Variants in GPR179 observed in about 807,000 individuals in gnomAD.
GPR179 encodes the protein probable G protein-coupled receptor 179.
GPR179 carries 52 observed loss-of-function variants against 70.8 expected under a neutral mutation model. The observed-to-expected ratio is 0.73, with a 90% confidence interval of 0.59 to 0.93. GPR179 has a LOEUF of 0.93. Ranked by LOEUF, GPR179 falls within the 40% of genes least tolerant of loss-of-function variation. The pLI, the probability that GPR179 is intolerant of heterozygous loss-of-function variation, is 0.00. For missense variants in GPR179, 2,734 were observed against 2,966.8 expected (o/e 0.92, Z 1.82); for synonymous variants, 1,123 against 1,169.0 (o/e 0.96, Z 0.80).
intron 1 of GPR179, among the ~76,000 whole-genome samples, chr17:38,341,552 C>G (rs1416380579): frequency 6.6e-6 from 1 of 152,200 alleles, no homozygotes; most frequent in African/African-American, 2.4e-5. Context: ...GAGGAGAACC[C>G]TGCTGGGAAC....
Position 38,327,157 on chromosome 17 carries a change from C to A in GPR179, c.6412G>T (p.Gly2138Ter). Residue 2138 changes from glycine to a stop codon, truncating the protein, a stop_gained, in exon 11 of 11, where the codon GGA (glycine) becomes TGA (stop). Transcript: ENST00000616987. LOFTEE classifies it low-confidence loss of function (END_TRUNC). ...TCCTGTTCCCCTTCCTCTGCTGCTCCTCCACCCGCCTCCCAAGGGCAGATC... is the reference window on the plus strand; with the variant it reads ...TCCTGTTCCCCTTCCTCTGCTGCTCATCCACCCGCCTCCCAAGGGCAGATC... Reference protein sequence around the residue: ...AEICPWEAGGGAAEEGEQERE... With the variant: ...AEICPWEAGG 1 of 1,614,254 alleles carries A rather than the reference C, an allele frequency of 6.2e-7. No homozygotes were observed. The highest frequency in any genetic ancestry group is 8.5e-7 in the Non-Finnish European group (1 of 1,180,046).
chr17:38,327,569 C>G lies in GPR179; in HGVS notation c.6000G>C (p.Trp2000Cys), dbSNP rs1295380988. The stretch of plus-strand genomic sequence containing the variant: ...TATACACACCTGCATCAGGAACATC[C>G]CATGGGCACACGTCAGCGGCCCTGC... Reference protein sequence around the residue: ...TGGRAADVCPWDVPDAGVYKS... With the variant: ...TGGRAADVCPCDVPDAGVYKS... Residue 2000 changes from tryptophan (W) to cysteine (C), a missense_variant, in exon 11 of 11, where the codon TGG becomes TGC. By Grantham distance (215) the Trp-to-Cys change is radical (BLOSUM62 -2). Coordinates refer to ENST00000616987, the MANE Select transcript of GPR179 (RefSeq NM_001004334.4). 1 of 1,613,978 alleles carries G rather than the reference C, an allele frequency of 6.2e-7. No homozygotes were observed. The highest frequency in any genetic ancestry group is 1.3e-5 in the African/African-American group (1 of 74,892).
intron 10 of GPR179, among the ~76,000 whole-genome samples, chr17:38,332,262 C>T (rs1372023174): frequency 3.9e-5 from 6 of 152,158 alleles, no homozygotes; most frequent in African/African-American, 7.2e-5. Context: ...GGTGTGAAGA[C>T]GGCCCCAGTA....
chr17:38,330,163 T>C lies in GPR179; in HGVS notation c.3406A>G (p.Lys1136Glu), dbSNP rs759638641. Residue 1136 changes from lysine to glutamate, a missense_variant, in exon 11 of 11, where the codon AAG (lysine) becomes GAG (glutamate). Lys to Glu is a moderately conservative substitution (Grantham distance 56). Coordinates refer to ENST00000616987, the MANE Select transcript of GPR179 (RefSeq NM_001004334.4). Reference protein sequence around the residue: ...PSRSPRLGRPKAVSKQAALIP... With the variant: ...PSRSPRLGRPEAVSKQAALIP... The stretch of plus-strand genomic sequence containing the variant: ...AGAGCGGCCTGCTTACTCACCGCCT[T>C]GGGCCGGCCTAGCCTGGGCGATCGG... 9 of 1,582,966 alleles carry C rather than the reference T, an allele frequency of 5.7e-6. No homozygotes were observed. The highest frequency in any genetic ancestry group is 6.9e-6 in the Non-Finnish European group (8 of 1,163,838).
chr17:38,337,322 T>C, intron 3 of GPR179, 109 bp from the exon 4 acceptor site: 3 of 1,385,898 alleles, frequency 2.2e-6, no homozygotes, highest in Non-Finnish European at 2.9e-6. Context: ...TCCTGTGATC[T>C]GGGGCTCCAG....
rs2037276780 is a variant in GPR179 at position 38,325,428 on chromosome 17, C to T, written c.*1037G>A. On this transcript the variant is annotated 3_prime_UTR_variant, in exon 11 of 11. Transcript: ENST00000616987. ...TCCTCTGGAAGGAGATTGATGTGGC[C>T]TCTTGTTACTGAGCAAGTGATTCTT... is the stretch of plus-strand genomic sequence containing the variant. 1.6e-5 allele frequency: 2 copies of T among 125,752 alleles called. No homozygotes were observed. The highest frequency in any genetic ancestry group is 5.4e-4 in the South Asian group (2 of 3,680). The allele number at this position is 125,752 out of a possible 1,614,324, so 7.8% of individuals were successfully genotyped here.
Position 38,337,652 on chromosome 17 carries a change from G to GAGATC in GPR179, c.971_972insGATCT (p.Tyr324Ter). 1.9e-6 allele frequency: 3 copies of GAGATC among 1,601,092 alleles called. No individual in the cohort carries two copies. Among genetic ancestry groups the GAGATC allele is most frequent in the Admixed American group, 1.7e-5 (1 of 58,142 alleles). On this transcript the variant is annotated stop_gained and frameshift_variant, in exon 3 of 11. Coordinates refer to ENST00000616987, the MANE Select transcript of GPR179 (RefSeq NM_001004334.4). LOFTEE classifies it high-confidence loss of function. ...ACATACCCCCAGAGGGGCTTGCCCC[G>GAGATC]TAGAATCCAGGTCGGCAGCGGCAGA...
Position 38,327,796 on chromosome 17 carries a change from A to G in GPR179, c.5773T>C (p.Phe1925Leu), listed in dbSNP as rs776653668. The G allele has an allele frequency of 6.2e-7, 1 of 1,614,118 alleles. No individual in the cohort carries two copies. The highest frequency in any genetic ancestry group is 8.5e-7 in the Non-Finnish European group (1 of 1,180,010). Reference protein sequence around the residue: ...DLRQDPKTGSFPEHITQEKAP... With the variant: ...DLRQDPKTGSLPEHITQEKAP... Reference sequence around the variant, plus strand: ...TTTTCTTGGGTTATGTGTTCTGGGAAGGAACCTGTCTTTGGGTCTTGTCTC... The same window carrying G: ...TTTTCTTGGGTTATGTGTTCTGGGAGGGAACCTGTCTTTGGGTCTTGTCTC... The change falls in exon 11 of 11, where the codon TTC (phenylalanine) becomes CTC (leucine). Residue 1925 changes from phenylalanine (F) to leucine (L), a missense_variant. Phe to Leu is a conservative substitution (Grantham distance 22, BLOSUM62 0). Transcript: ENST00000616987.
rs768765919 is a variant in GPR179 at position 38,343,309 on chromosome 17, G to A, written c.481C>T (p.Gln161Ter). 6.8e-6 allele frequency: 11 copies of A among 1,614,138 alleles called. No individual in the cohort carries two copies. The East Asian group carries it at 1.1e-4, about 16-fold the overall frequency. ...FNPPPGASHL[Q>*]LALQATRTGE... ...GTCCGGGTGGCCTGCAGGGCCAGCTGTAGGTGGCTGGCCCCTGGTGGAGGG... is the reference window on the plus strand; with the variant it reads ...GTCCGGGTGGCCTGCAGGGCCAGCTATAGGTGGCTGGCCCCTGGTGGAGGG... The change falls in exon 1 of 11, where the codon CAG (glutamine) becomes TAG (stop). Residue 161 changes from glutamine (Q) to a stop codon, truncating the protein, a stop_gained. Coordinates refer to ENST00000616987, the MANE Select transcript of GPR179 (RefSeq NM_001004334.4). LOFTEE classifies it high-confidence loss of function. The surrounding 1 kb of genome is among the most constrained non-coding windows in gnomAD (Gnocchi z 4.2).
In GPR179 at chr17:38,328,391, T is replaced by C; in HGVS notation, c.5178A>G (p.Lys1726=). ...ERALGAEAIR[K]SPNDTGKVSA... is the part of the protein sequence containing the mutation. ...AAACCTTGCCTGTATCATTTGGAGATTTCCTAATGGCCTCAGCTCCCAAAG... is the reference window on the plus strand; with the variant it reads ...AAACCTTGCCTGTATCATTTGGAGACTTCCTAATGGCCTCAGCTCCCAAAG... The change falls in exon 11 of 11, where the codon AAA becomes AAG. Residue 1726 remains lysine (K), a synonymous_variant. Coordinates refer to ENST00000616987, the MANE Select transcript of GPR179 (RefSeq NM_001004334.4). 1.2e-6 allele frequency: 2 copies of C among 1,613,784 alleles called. No individual in the cohort carries two copies. Among genetic ancestry groups the C allele is most frequent in the Non-Finnish European group, 1.7e-6 (2 of 1,179,930 alleles).
In GPR179 at chr17:38,329,261, C is replaced by G. The variant is rs761238265; in HGVS notation, c.4308G>C (p.Arg1436=). Reference sequence around the variant, plus strand: ...CCTGAATTGAGACTGCTGAGGGGCCCCGGAAATCTGTACTCTCCCATGGAC... The same window carrying G: ...CCTGAATTGAGACTGCTGAGGGGCCGCGGAAATCTGTACTCTCCCATGGAC... ...SLCPWESTDF[R]GPSAVSIQAP... is the part of the protein sequence containing the mutation. Residue 1436 remains arginine, a synonymous_variant, in exon 11 of 11, where the codon CGG becomes CGC. Coordinates refer to ENST00000616987, the MANE Select transcript of GPR179 (RefSeq NM_001004334.4). 10 of 1,613,412 alleles carry G rather than the reference C, an allele frequency of 6.2e-6. No homozygotes were observed. The African/African-American group carries it at 1.2e-4, about 19-fold the overall frequency.
rs761903398 is a variant in GPR179 at position 38,343,742 on chromosome 17, C to T, written c.48G>A (p.Leu16=). The T allele has an allele frequency of 6.5e-7, 1 of 1,546,896 alleles. No individual in the cohort carries two copies. Among genetic ancestry groups the T allele is most frequent in the East Asian group, 2.3e-5 (1 of 44,224 alleles). ...AVMPPPMWGL[L]GCCFVCAWAL... Reference sequence around the variant, plus strand: ...CCCAGGCACAGACAAAACAGCAGCCCAGCAGCCCCCACATAGGAGGGGGCA... The same window carrying T: ...CCCAGGCACAGACAAAACAGCAGCCTAGCAGCCCCCACATAGGAGGGGGCA... Residue 16 remains leucine, a synonymous_variant, in exon 1 of 11, where the codon CTG becomes CTA. Coordinates refer to ENST00000616987, the MANE Select transcript of GPR179 (RefSeq NM_001004334.4). This position sits in a 1 kb window ranked among gnomAD's most constrained non-coding sequence, Gnocchi z 4.2.
In GPR179 at chr17:38,335,003, G is replaced by A. The variant is rs192977254; in HGVS notation, c.1645+30C>T. ...TGGAGGCACAGAGGCAGGGACCAGC[G>A]TAAGGCTGGGCTCAGCAGAAGCAGC... is the stretch of plus-strand genomic sequence containing the variant. On this transcript the variant is annotated intron_variant, in intron 7 of 10. Coordinates refer to ENST00000616987, the MANE Select transcript of GPR179 (RefSeq NM_001004334.4). 31 of 1,594,504 alleles carry A rather than the reference G, an allele frequency of 1.9e-5. No homozygotes were observed. The East Asian group carries it at 4.9e-4, about 25-fold the overall frequency.
chr17:38,330,892 G>T lies in GPR179; in HGVS notation c.2677C>A (p.Arg893=). ...GCTGACAGGGGGGCCCCTCGAGGCC[G>T]CTCCAGCCTCCTGGCTGATGGCCTC... ...VRRPSARRLE[R]PRGAPLSAPP... is the part of the protein sequence containing the mutation. The change falls in exon 11 of 11, where the codon CGG becomes AGG. Residue 893 remains arginine (R), a synonymous_variant. Coordinates refer to ENST00000616987, the MANE Select transcript of GPR179 (RefSeq NM_001004334.4). 6.2e-7 allele frequency: 1 copy of T among 1,602,382 alleles called. No homozygotes were observed. Among genetic ancestry groups the T allele is most frequent in the Non-Finnish European group, 8.5e-7 (1 of 1,175,188 alleles).
At position 38,330,336 on chromosome 17, in the gene GPR179, G is replaced by A. The variant is rs2037341638; in HGVS notation, c.3233C>T (p.Pro1078Leu). 4 of 1,613,866 alleles carry A rather than the reference G, an allele frequency of 2.5e-6. No homozygotes were observed. In the East Asian group the frequency reaches 6.7e-5, roughly 27 times the overall value. The change falls in exon 11 of 11, where the codon CCT (proline) becomes CTT (leucine). Residue 1078 changes from proline (P) to leucine (L), a missense_variant. Physicochemically the swap from Pro to Leu is moderately conservative, Grantham distance 98 (BLOSUM62 -3). Transcript: ENST00000616987. The stretch of plus-strand genomic sequence containing the variant: ...GCTGCGCATGGAACCCTGCTGAACA[G>A]GGGCCTTGAGGCTGTGGGATTTAGG... Reference protein sequence around the residue: ...IFPKSHSLKAPVQQGSMRSLG... With the variant: ...IFPKSHSLKALVQQGSMRSLG...
chr17:38,332,981 G>A (rs2037372341), intron 10 of GPR179, among the ~76,000 whole-genome samples: 1 of 152,208 alleles, frequency 6.6e-6, no homozygotes, highest in South Asian at 2.1e-4. Context: ...AAGGAGTAGG[G>A]CTCCACTCTC....
In GPR179 at chr17:38,335,249, G is replaced by A. The variant is rs764877172; in HGVS notation, c.1429C>T (p.Arg477Ter). The A allele has an allele frequency of 5.8e-6, 9 of 1,551,116 alleles. No individual in the cohort carries two copies. The highest frequency in any genetic ancestry group is 4.1e-5 in the African/African-American group (3 of 73,152). ...LYRVLQLFLS[R>*]TAQRSALLSS... Reference sequence around the variant, plus strand: ...AGAAGGGCACTCCGCTGGGCCGTTCGAGACAGAAACAGCTGCAGCACTCTG... The same window carrying A: ...AGAAGGGCACTCCGCTGGGCCGTTCAAGACAGAAACAGCTGCAGCACTCTG... The change falls in exon 7 of 11, where the codon CGA becomes TGA. Residue 477 changes from arginine (R) to a stop codon, truncating the protein, a stop_gained. Coordinates refer to ENST00000616987, the MANE Select transcript of GPR179 (RefSeq NM_001004334.4). LOFTEE classifies it high-confidence loss of function.
In GPR179 at chr17:38,330,065, A is replaced by G. The variant is rs2037337478; in HGVS notation, c.3504T>C (p.Cys1168=). 6.2e-7 allele frequency: 1 copy of G among 1,614,030 alleles called. No homozygotes were observed. The highest frequency in any genetic ancestry group is 8.5e-7 in the Non-Finnish European group (1 of 1,179,978). The part of the protein sequence containing the change: ...NAHTSRMLQV[C]QREGSREQED... ...CTTGTTCCCTGCTGCCCTCCCGTTG[A>G]CAGACTTGGAGCATCCTGCTGGTGT... The change falls in exon 11 of 11, where the codon TGT becomes TGC. Residue 1168 remains cysteine (C), a synonymous_variant. Coordinates refer to ENST00000616987, the MANE Select transcript of GPR179 (RefSeq NM_001004334.4).
In GPR179 at chr17:38,343,340, G is replaced by A. The variant is rs765063643; in HGVS notation, c.450C>T (p.Thr150=). 3 of 1,614,064 alleles carry A rather than the reference G, an allele frequency of 1.9e-6. No homozygotes were observed. The African/African-American group carries it at 4.0e-5, about 22-fold the overall frequency. The change falls in exon 1 of 11, where the codon ACC becomes ACT. Residue 150 remains threonine (T), a synonymous_variant. Coordinates refer to ENST00000616987, the MANE Select transcript of GPR179 (RefSeq NM_001004334.4). This position sits in a 1 kb window ranked among gnomAD's most constrained non-coding sequence, Gnocchi z 4.2. ...GGCTGGCCCCTGGTGGAGGGTTAAA[G>A]GTCAGCAAAGCCCTGTACACTCTTG... ...GDPRVYRALL[T]FNPPPGASHL... is the part of the protein sequence containing the mutation.
Sources: gnomAD v4.1 joint callset for allele counts (sites outside exome capture counted in the v4.1 genomes callset) on GRCh38, gnomAD v4.1.1 for gene constraint, Gnocchi (gnomAD v3.1) non-coding constraint, MANE v1.5 for transcripts, NCBI Gene and HGNC (gene_info 2026-07-23, HGNC 2026-07-21) for gene names.